Variants in FRMPD4 observed in about 807,000 individuals in gnomAD.
FRMPD4 encodes FERM and PDZ domain-containing protein 4.
FRMPD4 carries 22 observed loss-of-function variants against 94.1 expected under a neutral mutation model. That is an observed-to-expected ratio of 0.23 (90% CI 0.17 to 0.33). The LOEUF (loss-of-function observed/expected upper bound fraction) is 0.33. FRMPD4 is among the 10% of genes least tolerant of loss of function. FRMPD4 has a pLI of 1.00. For synonymous variants in FRMPD4, 631 were observed against 548.6 expected (o/e 1.15, Z -2.10); for missense variants, 1,111 against 1,339.9 (o/e 0.83, Z 2.67).
intron 1 of FRMPD4, among the ~76,000 whole-genome samples, chrX:11,848,561 A>G (rs1366759653): frequency 1.9e-5 from 2 of 106,791 alleles, no homozygotes. Flanking sequence ...ACATACATGC[A>G]GACTCTTTCA....
chrX:12,213,335 A>G (rs1216029174), intron 1 of FRMPD4, among the ~76,000 whole-genome samples: 2 of 112,456 alleles, frequency 1.8e-5, no homozygotes, highest in African/African-American at 6.4e-5. Context: ...TAAAGCCATA[A>G]CTTTAGGTGA....
At chrX:12,429,006 GA>G (rs58997286) in intron 1 of FRMPD4, among the ~76,000 whole-genome samples, 4,262 of 111,655 alleles carry the variant, frequency 0.038, 230 homozygotes, top group African/African-American at 0.13. Flanking sequence ...CATTTCTTTG[GA>G]AGACCCCAAA....
At chrX:12,263,297 T>C (rs1485863187) in intron 1 of FRMPD4, among the ~76,000 whole-genome samples, 1 of 111,373 alleles carries the variant, frequency 9.0e-6, no homozygotes, top group African/African-American at 3.3e-5. Context: ...TAAACCAGGA[T>C]GGTTGGTCAC....
At chrX:12,573,385 A>G (rs1338860845) in intron 2 of FRMPD4, among the ~76,000 whole-genome samples, 1 of 112,265 alleles carries the variant, frequency 8.9e-6, no homozygotes, top group African/African-American at 3.2e-5. Context: ...TCAGAACAAA[A>G]TGAAGGATAA....
intron 5 of FRMPD4, among the ~76,000 whole-genome samples, chrX:12,676,818 G>A (rs1371765372): frequency 8.1e-5 from 9 of 111,652 alleles, no homozygotes; most frequent in African/African-American, 2.9e-4. Flanking sequence ...ACATTGAAAG[G>A]CAACACTTAG....
intron 1 of FRMPD4, among the ~76,000 whole-genome samples, chrX:11,847,747 T>G (rs1475610979): frequency 9.3e-6 from 1 of 107,715 alleles, no homozygotes; most frequent in Non-Finnish European, 1.9e-5. Context: ...ATGGATGAAA[T>G]TGGAAATCAT....
At chrX:12,247,506 T>C (rs904774755) in intron 1 of FRMPD4, among the ~76,000 whole-genome samples, 1 of 111,889 alleles carries the variant, frequency 8.9e-6, no homozygotes, top group Non-Finnish European at 1.9e-5. Context: ...CACTGGTGCA[T>C]GTATGTCTCA....
intron 3 of FRMPD4, among the ~76,000 whole-genome samples, chrX:12,053,898 G>A (rs1425403109): frequency 8.9e-6 from 1 of 112,199 alleles, no homozygotes; most frequent in Non-Finnish European, 1.9e-5. Flanking sequence ...GTTTCATGAA[G>A]AGTATACAGT....
chrX:12,578,726 A>G (rs1255492528), intron 2 of FRMPD4, among the ~76,000 whole-genome samples: 2 of 111,837 alleles, frequency 1.8e-5, no homozygotes, highest in Non-Finnish European at 3.8e-5. Context: ...TATATACTGT[A>G]TGTGTATCTG....
chrX:12,674,859 A>G lies in FRMPD4; in HGVS notation c.423-4A>G, dbSNP rs2059880915. On this transcript the variant is annotated splice_polypyrimidine_tract_variant and splice_region_variant and intron_variant, in intron 4 of 16. Coordinates refer to ENST00000675598, the MANE Select transcript of FRMPD4 (RefSeq NM_001368397.1). ...ATAAATATGTTTGTTTTTCTCTCTT[A>G]CAGAAGCTGCAAAGAATCGATACTC... 7.0e-6 allele frequency: 8 copies of G among 1,140,267 alleles called. No homozygotes were observed. Among genetic ancestry groups the G allele is most frequent in the African/African-American group, 1.8e-5 (1 of 56,413 alleles). The allele number at this position is 1,140,267 out of a possible 1,213,427, so 94.0% of individuals were successfully genotyped here.
intron 1 of FRMPD4, among the ~76,000 whole-genome samples, chrX:11,838,853 G>A (rs1249898770): frequency 9.0e-6 from 1 of 111,364 alleles, no homozygotes; most frequent in Non-Finnish European, 1.9e-5. Flanking sequence ...CCATTGTATG[G>A]ATACACTACA....
chrX:12,516,127 G>GACC (rs2058093298), intron 2 of FRMPD4, among the ~76,000 whole-genome samples: 1 of 111,711 alleles, frequency 9.0e-6, no homozygotes, highest in Non-Finnish European at 1.9e-5. Context: ...AATATTGCAA[G>GACC]CTGATGGGTC....
intron 1 of FRMPD4, among the ~76,000 whole-genome samples, chrX:11,840,538 G>A (rs1186592928): frequency 9.2e-6 from 1 of 108,847 alleles, no homozygotes; most frequent in Non-Finnish European, 1.9e-5. Context: ...CTCTGTATGT[G>A]AATATGTGTT....
chrX:12,335,158 A>G (rs919862157), intron 1 of FRMPD4, among the ~76,000 whole-genome samples: 5 of 107,945 alleles, frequency 4.6e-5, no homozygotes, highest in Non-Finnish European at 9.6e-5. Context: ...TTTTAAAGCA[A>G]GGTCTCACTT....
At chrX:12,127,885 A>G (rs1022604309) in intron 3 of FRMPD4, among the ~76,000 whole-genome samples, 2 of 113,247 alleles carry the variant, frequency 1.8e-5, no homozygotes, top group African/African-American at 6.4e-5. Flanking sequence ...GAAATCCAAT[A>G]GAGCAGTCAT....
intron 3 of FRMPD4, among the ~76,000 whole-genome samples, chrX:11,911,660 AG>A (rs1445090254): frequency 8.9e-6 from 1 of 111,850 alleles, no homozygotes; most frequent in African/African-American, 3.3e-5. Flanking sequence ...ACGCAAGCAA[AG>A]AGACAAAGGT....
chrX:12,644,082 T>TTCTTTTG (rs2059525238), intron 4 of FRMPD4, among the ~76,000 whole-genome samples: 1 of 111,326 alleles, frequency 9.0e-6, no homozygotes, highest in Admixed American at 9.5e-5. Flanking sequence ...TTTTTCTTTT[T>TTCTTTTG]TCTTTGAGAC....
intron 1 of FRMPD4, among the ~76,000 whole-genome samples, chrX:12,460,045 T>A (rs1396981134): frequency 8.9e-6 from 1 of 112,209 alleles, no homozygotes; most frequent in Non-Finnish European, 1.9e-5. Context: ...CCCTGCTTAG[T>A]AATACTGAGC....
intron 1 of FRMPD4, among the ~76,000 whole-genome samples, chrX:12,342,973 G>A (rs758423584): frequency 8.9e-6 from 1 of 112,028 alleles, no homozygotes; most frequent in East Asian, 2.8e-4. Context: ...CCTGGTTTCC[G>A]AGGCCATAAG....
Sources: allele counts gnomAD v4.1 joint callset (sites outside exome capture counted in the v4.1 genomes callset), GRCh38; gene constraint gnomAD v4.1.1; transcripts MANE v1.5; gene names NCBI Gene and HGNC (gene_info 2026-07-23, HGNC 2026-07-21).